SLC17A1: variants seen among roughly 807,000 people sequenced by gnomAD.
The protein encoded by SLC17A1 is sodium-dependent phosphate transport protein 1.
In SLC17A1, 51 loss-of-function variants were observed where a neutral mutation model predicts 53.5. The observed-to-expected ratio is 0.95, with a 90% confidence interval of 0.76 to 1.20. The LOEUF is 1.20. Among genes scored for constraint, SLC17A1 ranks in the 50% most tolerant of loss-of-function variants. The probability of loss-of-function intolerance (pLI) is 0.00; values close to 1 mark genes in which losing one functional copy is unlikely to be tolerated. For synonymous variants in SLC17A1, 179 were observed against 198.8 expected (o/e 0.90, Z 0.84); for missense variants, 538 against 568.2 (o/e 0.95, Z 0.54).
chr6:25,805,801 C>T (rs1763932769), intron 10 of SLC17A1, among the ~76,000 whole-genome samples: 1 of 151,890 alleles, frequency 6.6e-6, no homozygotes, highest in African/African-American at 2.4e-5. Flanking sequence ...ACATACAACC[C>T]TTCTAGATTA....
At chr6:25,806,024 C>T (rs905914461) in intron 10 of SLC17A1, among the ~76,000 whole-genome samples, 1 of 151,972 alleles carries the variant, frequency 6.6e-6, no homozygotes, top group African/African-American at 2.4e-5. Context: ...TTAACTCATT[C>T]TATGAAGCCA....
the SLC17A1 span, among the ~76,000 whole-genome samples, chr6:25,759,081 T>G: frequency 1.3e-5 from 2 of 152,230 alleles, no homozygotes; most frequent in Non-Finnish European, 2.9e-5. Flanking sequence ...AGCAGCTTAT[T>G]TAATTTCCAT....
At chr6:25,766,340 T>A in the SLC17A1 span, among the ~76,000 whole-genome samples, 2 of 152,072 alleles carry the variant, frequency 1.3e-5, no homozygotes, top group African/African-American at 4.8e-5. Flanking sequence ...TATATGAGAT[T>A]TTTAAGGAGA....
chr6:25,748,165 A>G, the SLC17A1 span, among the ~76,000 whole-genome samples: 1 of 152,298 alleles, frequency 6.6e-6, no homozygotes, highest in East Asian at 1.9e-4. Flanking sequence ...GACAGTCAGG[A>G]ACACAAAAGG....
At chr6:25,815,911 CTTTTT>C (rs59495721) in intron 6 of SLC17A1, among the ~76,000 whole-genome samples, 14 of 134,378 alleles carry the variant, frequency 1.0e-4, no homozygotes, top group East Asian at 2.2e-4. Flanking sequence ...AAAATGCTTA[CTTTTT>C]TTTTTTTTTT....
chr6:25,798,568 A>G (rs1376116698), intron 12 of SLC17A1: 1 of 391,494 alleles, frequency 2.6e-6, no homozygotes, highest in Non-Finnish European at 4.5e-6. Context: ...TTTGATGTTA[A>G]AGAGGCCCAG....
chr6:25,740,141 A>T, the SLC17A1 span, among the ~76,000 whole-genome samples: 1 of 152,192 alleles, frequency 6.6e-6, no homozygotes, highest in African/African-American at 2.4e-5. Flanking sequence ...TTACTAGGGA[A>T]AACAAAGCCA....
chr6:25,757,464 A>T, the SLC17A1 span, among the ~76,000 whole-genome samples: 2 of 152,064 alleles, frequency 1.3e-5, no homozygotes, highest in Non-Finnish European at 2.9e-5. Context: ...GTAGTCTTCA[A>T]ATAATCTCAT....
chr6:25,726,580 T>TC, the SLC17A1 span: 3 of 1,557,264 alleles, frequency 1.9e-6, no homozygotes, highest in Non-Finnish European at 2.6e-6. Context: ...GGGCTGCTAC[T>TC]GGGCCTATTT....
chr6:25,764,909 A>G, the SLC17A1 span, among the ~76,000 whole-genome samples: 1 of 152,214 alleles, frequency 6.6e-6, no homozygotes, highest in South Asian at 2.1e-4. Context: ...CTCAAATTAT[A>G]CAATGTTATT....
chr6:25,750,562 A>G, the SLC17A1 span, among the ~76,000 whole-genome samples: 2 of 152,144 alleles, frequency 1.3e-5, no homozygotes, highest in African/African-American at 4.8e-5. Context: ...GGTGGTAACC[A>G]TTCATAAAAA....
Position 25,814,990 on chromosome 6 carries a change from A to AC in SLC17A1, c.617-1778_617-1777insG, listed in dbSNP as rs1554130874. ...GACAAAAGCAAGACTCTGTCACACA[A>AC]ACACACACACACACACACACACACA... On this transcript the variant is annotated intron_variant, in intron 6 of 12. Coordinates refer to ENST00000244527, the MANE Select transcript of SLC17A1 (RefSeq NM_005074.5). 1.0e-3 allele frequency among the ~76,000 whole-genome samples: 52 copies of AC among 51,594 alleles called. 1 individual carries two copies. Among genetic ancestry groups the AC allele is most frequent in the African/African-American group, 3.4e-3 (46 of 13,644 alleles). The allele number at this position is 51,594 out of a possible 152,430, so 33.8% of individuals were successfully genotyped here.
At chr6:25,732,661 C>T in the SLC17A1 span, 1 of 1,335,218 alleles carries the variant, frequency 7.5e-7, no homozygotes, top group Non-Finnish European at 1.0e-6. Flanking sequence ...AGAAGAAGAC[C>T]CGCATCATCC....
chr6:25,752,417 A>G, the SLC17A1 span, among the ~76,000 whole-genome samples: 1 of 152,194 alleles, frequency 6.6e-6, no homozygotes. Context: ...GTGAGACTGG[A>G]AGTTACTCTG....
At chr6:25,801,810 G>A (rs1225866769) in intron 10 of SLC17A1, among the ~76,000 whole-genome samples, 1 of 152,024 alleles carries the variant, frequency 6.6e-6, no homozygotes, top group African/African-American at 2.4e-5. Context: ...TAATTTGTGG[G>A]TCCCTGTTCA....
chr6:25,771,162 A>G, the SLC17A1 span: 1 of 669,002 alleles, frequency 1.5e-6, no homozygotes, highest in Non-Finnish European at 2.7e-6. Flanking sequence ...TTTAAGTTTC[A>G]GCAGCCCGAG....
chr6:25,828,459 A>G (rs1304821967), intron 2 of SLC17A1, among the ~76,000 whole-genome samples: 1 of 152,134 alleles, frequency 6.6e-6, no homozygotes, highest in Non-Finnish European at 1.5e-5. Flanking sequence ...TGAGATAATC[A>G]TACTGTTTTC....
chr6:25,772,835 T>C, the SLC17A1 span, among the ~76,000 whole-genome samples: 2 of 152,188 alleles, frequency 1.3e-5, no homozygotes, highest in Non-Finnish European at 2.9e-5. Context: ...AAGGGTGCTA[T>C]AGCTTTAATA....
At chr6:25,755,092 AAGAG>A in the SLC17A1 span, among the ~76,000 whole-genome samples, 2 of 142,716 alleles carry the variant, frequency 1.4e-5, no homozygotes, top group South Asian at 2.3e-4. Context: ...CAGAGGAAGA[AAGAG>A]AGAGAGGAAG....
Sources: gnomAD v4.1 joint callset for allele counts (sites outside exome capture counted in the v4.1 genomes callset) on GRCh38, gnomAD v4.1.1 for gene constraint, MANE v1.5 for transcripts, NCBI Gene and HGNC (gene_info 2026-07-23, HGNC 2026-07-21) for gene names.